Variants in GALNT15 observed in about 807,000 individuals in gnomAD.
GALNT15 encodes the protein polypeptide N-acetylgalactosaminyltransferase 15, also known as UDP-GalNAc transferase T15.
A neutral mutation model predicts 66.8 loss-of-function variants in GALNT15; 67 were observed. That is an observed-to-expected ratio of 1.00 (90% CI 0.82 to 1.23). GALNT15 has a LOEUF of 1.23. Ranked by LOEUF, GALNT15 falls within the 50% of genes most tolerant of loss-of-function variation. GALNT15 has a pLI of 0.00. For synonymous variants in GALNT15, 313 were observed against 311.5 expected (o/e 1.00, Z -0.05); for missense variants, 827 against 804.3 (o/e 1.03, Z -0.34).
rs78280520 is a variant in GALNT15, at chr3:16,222,243, G to A, written c.1630-372G>A. 5.3e-5 allele frequency among the ~76,000 whole-genome samples: 8 copies of A among 152,318 alleles called. No homozygotes were observed. The East Asian group carries it at 1.5e-3, about 29-fold the overall frequency. On this transcript the variant is annotated intron_variant, in intron 8 of 9. Coordinates refer to ENST00000339732, the MANE Select transcript of GALNT15 (RefSeq NM_054110.5). ...GCAGGAAAGTTAGTTTCAGGAGCAG[G>A]TTAGGGCTCTCCAGAAAGACATCAA...
chr3:16,202,109 A>G (rs1448432595), intron 3 of GALNT15, among the ~76,000 whole-genome samples: 1 of 152,260 alleles, frequency 6.6e-6, no homozygotes, highest in African/African-American at 2.4e-5. Flanking sequence ...CTGGAGACAT[A>G]GGAGTTACCA....
the GALNT15 span, among the ~76,000 whole-genome samples, chr3:16,239,765 A>T: frequency 1.3e-5 from 2 of 152,254 alleles, no homozygotes; most frequent in African/African-American, 4.8e-5. This position sits in a 1 kb window ranked among gnomAD's most constrained non-coding sequence, Gnocchi z 5.2. Context: ...AAAGAAACAT[A>T]AAAGGCAAGT....
At chr3:16,238,020 T>C in the GALNT15 span, among the ~76,000 whole-genome samples, 3 of 152,024 alleles carry the variant, frequency 2.0e-5, no homozygotes, top group Admixed American at 2.0e-4. This position sits in a 1 kb window ranked among gnomAD's most constrained non-coding sequence, Gnocchi z 4.8. Flanking sequence ...TGCTTTAAGG[T>C]GGCTCTTTTC....
rs568539512 is a variant in GALNT15, at chr3:16,223,795, C to G, written c.1773+1037C>G. Among the ~76,000 whole-genome samples the G allele has an allele frequency of 3.3e-5, 5 of 151,030 alleles. No individual in the cohort carries two copies. The Admixed American group carries it at 3.3e-4, about 10-fold the overall frequency. On this transcript the variant is annotated intron_variant, in intron 9 of 9. Coordinates refer to ENST00000339732, the MANE Select transcript of GALNT15 (RefSeq NM_054110.5). Reference sequence around the variant, plus strand: ...GCAGCCTCTGCCTCCCAGGTTCAAGCGATTCTTGTGCCTCAGCCTGCTGAA... The same window carrying G: ...GCAGCCTCTGCCTCCCAGGTTCAAGGGATTCTTGTGCCTCAGCCTGCTGAA...
Position 16,181,016 on chromosome 3 carries a change from C to A in GALNT15, c.539+5326C>A, listed in dbSNP as rs145805784. 1.3e-5 allele frequency among the ~76,000 whole-genome samples: 2 copies of A among 152,298 alleles called. No homozygotes were observed. Among genetic ancestry groups the A allele is most frequent in the African/African-American group, 4.8e-5 (2 of 41,566 alleles). On this transcript the variant is annotated intron_variant, in intron 1 of 9. Transcript: ENST00000339732. The surrounding 1 kb of genome is among the most constrained non-coding windows in gnomAD (Gnocchi z 5.9). Reference sequence around the variant, plus strand: ...ATAAGGTTGTAGAGAAAATGAGACACAACGTGTGATGATTTTCCTTGTGTA... The same window carrying A: ...ATAAGGTTGTAGAGAAAATGAGACAAAACGTGTGATGATTTTCCTTGTGTA...
In GALNT15 at chr3:16,187,457, AGCT is replaced by A; in HGVS notation, c.540-8301_540-8299del. On this transcript the variant is annotated intron_variant, in intron 1 of 9. Coordinates refer to ENST00000339732, the MANE Select transcript of GALNT15 (RefSeq NM_054110.5). This position sits in a 1 kb window ranked among gnomAD's most constrained non-coding sequence, Gnocchi z 5.1. ...GACCTGGCAGCTGATGCTGGTCCTC[AGCT>A]GGGGCACTTTAGTTTTTCTTCAAGC... is the stretch of plus-strand genomic sequence containing the variant. Among the ~76,000 whole-genome samples the A allele has an allele frequency of 6.6e-6, 1 of 152,306 alleles. No individual in the cohort carries two copies. The highest frequency in any genetic ancestry group is 1.9e-4 in the East Asian group (1 of 5,176).
In GALNT15 at chr3:16,200,929, TTA is replaced by T. The variant is rs2063694091; in HGVS notation, c.911+107_911+108del. On this transcript the variant is annotated intron_variant, in intron 3 of 9. Coordinates refer to ENST00000339732, the MANE Select transcript of GALNT15 (RefSeq NM_054110.5). This position sits in a 1 kb window ranked among gnomAD's most constrained non-coding sequence, Gnocchi z 4.4. ...CCACCTATTAATTCCTGAATCTCCA[TTA>T]GAGAGTGATATATTCCCTTCGGGTT... 1.2e-6 allele frequency: 1 copy of T among 821,474 alleles called. No individual in the cohort carries two copies. The highest frequency in any genetic ancestry group is 1.9e-6 in the Non-Finnish European group (1 of 539,198). 50.9% of individuals were successfully genotyped at this position (821,474 alleles called of 1,614,324 possible).
At chr3:16,192,198 C>T (rs1285330746) in intron 1 of GALNT15, among the ~76,000 whole-genome samples, 2 of 152,206 alleles carry the variant, frequency 1.3e-5, no homozygotes, top group Non-Finnish European at 2.9e-5. Flanking sequence ...ACATACACCA[C>T]ACGCACACAC....
At chr3:16,201,777 TC>T (rs2063706380) in intron 3 of GALNT15, among the ~76,000 whole-genome samples, 1 of 152,216 alleles carries the variant, frequency 6.6e-6, no homozygotes, top group Non-Finnish European at 1.5e-5. Context: ...AATCTCTTTC[TC>T]ACTTCCTTGC....
intron 2 of GALNT15, among the ~76,000 whole-genome samples, chr3:16,196,476 C>T (rs1195736099): frequency 6.6e-6 from 1 of 152,166 alleles, no homozygotes; most frequent in East Asian, 1.9e-4. Flanking sequence ...CCCAGACTTG[C>T]AGAACCTGCC....
intron 2 of GALNT15, among the ~76,000 whole-genome samples, chr3:16,199,763 G>T (rs1246809972): frequency 6.6e-6 from 1 of 152,154 alleles, no homozygotes; most frequent in Non-Finnish European, 1.5e-5. Flanking sequence ...GTCAGTCATT[G>T]ACCATGACTG....
intron 2 of GALNT15, among the ~76,000 whole-genome samples, chr3:16,198,349 C>T (rs2135224): frequency 0.58 from 71,436 of 122,464 alleles, 23,781 homozygotes; most frequent in East Asian, 0.74. Context: ...TTGTGCTCTT[C>T]GGAAAAAAAA....
intron 6 of GALNT15, among the ~76,000 whole-genome samples, chr3:16,215,906 C>CAAAAAAAAAAAACAAAAAAAAAAA (rs1559690416): frequency 2.4e-4 from 25 of 102,602 alleles, no homozygotes; most frequent in South Asian, 1.4e-3. Context: ...GAGACTCCGC[C>CAAAAAAAAAAAACAAAAAAAAAAA]AAAAAAAAAA....
chr3:16,239,335 A>G, the GALNT15 span, among the ~76,000 whole-genome samples: 1 of 152,170 alleles, frequency 6.6e-6, no homozygotes, highest in Non-Finnish European at 1.5e-5. This position sits in a 1 kb window ranked among gnomAD's most constrained non-coding sequence, Gnocchi z 5.2. Flanking sequence ...AAGTTGGCAG[A>G]TGGATGGCCA....
At position 16,219,490 on chromosome 3, in the gene GALNT15, C is replaced by G. The variant is rs370734427; in HGVS notation, c.1480C>G (p.Pro494Ala). 3.1e-6 allele frequency: 5 copies of G among 1,614,042 alleles called. No homozygotes were observed. Among genetic ancestry groups the G allele is most frequent in the Non-Finnish European group, 3.4e-6 (4 of 1,180,028 alleles). Residue 494 changes from proline (P) to alanine (A), a missense_variant, in exon 7 of 10, where the codon CCT (proline) becomes GCT (alanine). Physicochemically the swap from Pro to Ala is conservative, Grantham distance 27 (BLOSUM62 -1). Transcript: ENST00000339732. The surrounding 1 kb of genome is among the most constrained non-coding windows in gnomAD (Gnocchi z 4.3). ...TFHWFLANVYPELYPSEPRPS... is the reference protein window; with the variant it reads ...TFHWFLANVYAELYPSEPRPS... ...CCACTGGTTTCTGGCTAATGTCTAC[C>G]CTGAGCTGTACCCATCTGAACCCAG...
At chr3:16,208,829 T>C (rs1395754545) in intron 4 of GALNT15, among the ~76,000 whole-genome samples, 159 bp downstream of exon 4, 1 of 152,222 alleles carries the variant, frequency 6.6e-6, no homozygotes, top group Non-Finnish European at 1.5e-5. Context: ...TCATAGTATT[T>C]ACCTATAAGG....
chr3:16,220,374 G>A, intron 8 of GALNT15: 1 of 265,218 alleles, frequency 3.8e-6, no homozygotes, highest in Non-Finnish European at 7.4e-6. Context: ...AGTTGTCCCA[G>A]GACTGAAGAA....
chr3:16,219,007 G>A lies in GALNT15; in HGVS notation c.1393-396G>A, dbSNP rs142321264. On this transcript the variant is annotated intron_variant, in intron 6 of 9. Transcript: ENST00000339732. This position sits in a 1 kb window ranked among gnomAD's most constrained non-coding sequence, Gnocchi z 4.3. ...TTTTTTGTATTTTTAGTAGAGATGG[G>A]GTTTCACCATGTTGGCCAGGCTGGT... is the stretch of plus-strand genomic sequence containing the variant. Among the ~76,000 whole-genome samples, 7 of 151,998 alleles carry A rather than the reference G, an allele frequency of 4.6e-5. No individual in the cohort carries two copies. The East Asian group carries it at 1.4e-3, about 29-fold the overall frequency.
the GALNT15 span, among the ~76,000 whole-genome samples, chr3:16,244,258 G>A: frequency 4.8e-4 from 73 of 152,292 alleles, no homozygotes; most frequent in African/African-American, 1.5e-3. Context: ...AGAGCTCGCC[G>A]ATCCATTTCC....
Sources: allele counts gnomAD v4.1 joint callset (sites outside exome capture counted in the v4.1 genomes callset), GRCh38; gene constraint gnomAD v4.1.1; non-coding constraint Gnocchi (gnomAD v3.1); transcripts MANE v1.5; gene names NCBI Gene and HGNC (gene_info 2026-07-23, HGNC 2026-07-21).